SHISAL1: variants seen among roughly 807,000 people sequenced by gnomAD.
SHISAL1 encodes the protein protein shisa-like-1.
In SHISAL1, 9 loss-of-function variants were observed where a neutral mutation model predicts 22.6. The ratio of observed to expected loss-of-function variants is 0.40; its 90% CI spans 0.24 to 0.70. The LOEUF (loss-of-function observed/expected upper bound fraction) is 0.70, where lower values mean the gene tolerates loss of function less well. SHISAL1 is among the 30% of genes least tolerant of loss of function. The probability of loss-of-function intolerance (pLI) is 0.39; values close to 1 mark genes in which losing one functional copy is unlikely to be tolerated. For missense variants in SHISAL1, 246 were observed against 270.6 expected (o/e 0.91, Z 0.64); for synonymous variants, 119 against 115.4 (o/e 1.03, Z -0.20).
At chr22:44,259,059 C>A (rs1479871345) in intron 4 of SHISAL1, among the ~76,000 whole-genome samples, 3 of 152,186 alleles carry the variant, frequency 2.0e-5, no homozygotes, top group African/African-American at 7.2e-5. Context: ...GAGAACATCA[C>A]ACAAGGCTCG....
chr22:44,253,425 ATGTTTTTT>A (rs201330905), intron 4 of SHISAL1, among the ~76,000 whole-genome samples: 4,065 of 107,824 alleles, frequency 0.038, 212 homozygotes, highest in East Asian at 0.21. Context: ...GTATTAGTGC[ATGTTTTTT>A]TTTTTTTTTT....
rs910793126 is a variant in SHISAL1, at chr22:44,247,535, G to A, written c.*2150C>T. 4 of 152,522 alleles carry A rather than the reference G, an allele frequency of 2.6e-5. No homozygotes were observed. Among genetic ancestry groups the A allele is most frequent in the Non-Finnish European group, 2.9e-5 (2 of 68,322 alleles). The allele number at this position is 152,522 out of a possible 1,614,324, so 9.4% of individuals were successfully genotyped here. A position where few individuals can be genotyped will look rare whatever the true frequency, so the allele number is the denominator to read the frequency against. ...GTTCTCCCACTTTGCCAAGCCATAT[G>A]CCTGGACACTGGCAGCACTGCCTGG... On this transcript the variant is annotated 3_prime_UTR_variant, in exon 5 of 5. Transcript: ENST00000381176.
rs1209664687 is a variant in SHISAL1, at chr22:44,245,344, T to C, written c.*4341A>G. 6.6e-6 allele frequency: 1 copy of C among 152,300 alleles called. No individual in the cohort carries two copies. Among genetic ancestry groups the C allele is most frequent in the African/African-American group, 2.4e-5 (1 of 41,418 alleles). 9.4% of individuals were successfully genotyped at this position (152,300 alleles called of 1,614,324 possible). A position where few individuals can be genotyped will look rare whatever the true frequency, so the allele number is the denominator to read the frequency against. ...CTTACCTACCTACCTAGACAGAGTC[T>C]CACTCTGTTGCCCAGGCTGGAGTGC... On this transcript the variant is annotated 3_prime_UTR_variant, in exon 5 of 5. Transcript: ENST00000381176.
chr22:44,263,968 TCAC>T (rs991450051), intron 4 of SHISAL1, among the ~76,000 whole-genome samples: 1 of 152,204 alleles, frequency 6.6e-6, no homozygotes, highest in African/African-American at 2.4e-5. Context: ...TGCATTCACT[TCAC>T]CAAGAGACGT....
At chr22:44,320,293 C>G in the SHISAL1 span, among the ~76,000 whole-genome samples, 3 of 152,184 alleles carry the variant, frequency 2.0e-5, no homozygotes, top group African/African-American at 7.2e-5. Flanking sequence ...TTCCTATACA[C>G]TGTTGGTTCC....
intron 3 of SHISAL1, among the ~76,000 whole-genome samples, chr22:44,290,535 A>C (rs888638942): frequency 2.6e-5 from 4 of 151,376 alleles, no homozygotes; most frequent in African/African-American, 9.8e-5. Flanking sequence ...GTCTCAAAAA[A>C]AAAAAAAAAC....
At chr22:44,296,541 C>T in intron 3 of SHISAL1, 131 bp downstream of exon 3, 1 of 730,698 alleles carries the variant, frequency 1.4e-6, no homozygotes, top group Non-Finnish European at 2.3e-6. Flanking sequence ...AAGACTCTCC[C>T]AGACTCCTTC....
At position 44,249,477 on chromosome 22, in the gene SHISAL1, C is replaced by A; in HGVS notation, c.*208G>T. On this transcript the variant is annotated 3_prime_UTR_variant, in exon 5 of 5. Transcript: ENST00000381176. ...GCGGACAGGTGGCTCAGAATCCCCT[C>A]CCCTGCACCCCCAGCCCCTACCCCT... 18 of 481,146 alleles carry A rather than the reference C, an allele frequency of 3.7e-5. No homozygotes were observed. Among genetic ancestry groups the A allele is most frequent in the Middle Eastern group, 5.7e-4 (1 of 1,756 alleles). 29.8% of individuals were successfully genotyped at this position (481,146 alleles called of 1,614,324 possible).
At chr22:44,249,824 CTT>C in intron 4 of SHISAL1, 139 bp from the exon 5 acceptor site, 1 of 668,530 alleles carries the variant, frequency 1.5e-6, no homozygotes, top group South Asian at 1.7e-5. Flanking sequence ...AACCATGTGA[CTT>C]TAAGACTGGA....
intron 4 of SHISAL1, among the ~76,000 whole-genome samples, chr22:44,252,308 GA>G (rs1335386514): frequency 6.6e-6 from 1 of 152,172 alleles, no homozygotes; most frequent in East Asian, 1.9e-4. Context: ...GAGACAAGAG[GA>G]GGGGAAGTAG....
intron 3 of SHISAL1, among the ~76,000 whole-genome samples, chr22:44,290,966 G>A (rs2055348960): frequency 6.6e-6 from 1 of 152,212 alleles, no homozygotes; most frequent in South Asian, 2.1e-4. Flanking sequence ...GTGAAGCAGA[G>A]TCTATTACTA....
intron 4 of SHISAL1, among the ~76,000 whole-genome samples, chr22:44,256,706 T>A (rs2055087189): frequency 6.6e-6 from 1 of 152,134 alleles, no homozygotes; most frequent in Non-Finnish European, 1.5e-5. Flanking sequence ...TTGCTGCTTT[T>A]GGCCCATGAC....
rs1474183248 is a variant in SHISAL1, at chr22:44,285,578, C to T, written c.449G>A (p.Gly150Glu). Residue 150 changes from glycine to glutamate, a missense_variant, in exon 4 of 5, where the codon GGG becomes GAG. By Grantham distance (98) the Gly-to-Glu change is moderately conservative (BLOSUM62 -2). This residue lies in a region of SHISAL1 where 136 missense variants were observed against 117.5 expected (regional missense o/e 1.16). Transcript: ENST00000381176. ...RWMKQDPRRWGNPARAPRPGQ... is the reference protein window; with the variant it reads ...RWMKQDPRRWENPARAPRPGQ... Reference sequence around the variant, plus strand: ...CGGCCGAGGGGCCCGAGCGGGGTTCCCCCACCGCCGGGGGTCCTGTTTCAT... The same window carrying T: ...CGGCCGAGGGGCCCGAGCGGGGTTCTCCCACCGCCGGGGGTCCTGTTTCAT... 1.2e-6 allele frequency: 2 copies of T among 1,613,730 alleles called. No individual in the cohort carries two copies. The highest frequency in any genetic ancestry group is 2.7e-5 in the African/African-American group (2 of 74,934).
intron 3 of SHISAL1, among the ~76,000 whole-genome samples, chr22:44,295,926 T>C (rs2055382141): frequency 6.6e-6 from 1 of 152,238 alleles, no homozygotes; most frequent in African/African-American, 2.4e-5. Flanking sequence ...CATCAGGCCC[T>C]GATCCCAATG....
chr22:44,282,647 T>C (rs1361868221), intron 4 of SHISAL1, among the ~76,000 whole-genome samples: 1 of 152,182 alleles, frequency 6.6e-6, no homozygotes, highest in African/African-American at 2.4e-5. Context: ...CCACAGAGGC[T>C]GGGCTCATAG....
the SHISAL1 span, among the ~76,000 whole-genome samples, chr22:44,329,251 T>TGGATG: frequency 2.6e-5 from 4 of 152,082 alleles, no homozygotes; most frequent in African/African-American, 9.7e-5. Flanking sequence ...AAGGGATGGA[T>TGGATG]GGATGGATGA....
the SHISAL1 span, among the ~76,000 whole-genome samples, chr22:44,327,302 C>A: frequency 6.6e-6 from 1 of 152,022 alleles, no homozygotes; most frequent in East Asian, 1.9e-4. Context: ...ACCAGAGACC[C>A]TGCCTGGGCC....
At chr22:44,274,870 C>T (rs2055229116) in intron 4 of SHISAL1, among the ~76,000 whole-genome samples, 1 of 152,212 alleles carries the variant, frequency 6.6e-6, no homozygotes, top group African/African-American at 2.4e-5. Context: ...TTTCCTGAGG[C>T]ATCTGCCATG....
intron 3 of SHISAL1, among the ~76,000 whole-genome samples, chr22:44,296,241 C>A (rs558619724): frequency 1.4e-4 from 14 of 100,000 alleles, no homozygotes; most frequent in Non-Finnish European, 2.8e-4. Context: ...TCACTGCAAC[C>A]CTCTGCCTCC....
Sources: allele counts gnomAD v4.1 joint callset (sites outside exome capture counted in the v4.1 genomes callset), GRCh38; gene constraint gnomAD v4.1.1; regional missense constraint gnomAD v4.1.1; transcripts MANE v1.5; gene names NCBI Gene and HGNC (gene_info 2026-07-23, HGNC 2026-07-21).